Variants in TOX observed in about 807,000 individuals in gnomAD.
TOX encodes the protein thymocyte selection-associated high mobility group box protein TOX.
A neutral mutation model predicts 53.7 loss-of-function variants in TOX; 11 were observed. The ratio of observed to expected loss-of-function variants is 0.20; its 90% CI spans 0.13 to 0.34. The LOEUF (loss-of-function observed/expected upper bound fraction) is 0.34, where lower values mean the gene tolerates loss of function less well. Ranked by LOEUF, TOX falls within the 10% of genes least tolerant of loss-of-function variation. The pLI, the probability that TOX is intolerant of heterozygous loss-of-function variation, is 1.00. For missense variants in TOX, 570 were observed against 664.6 expected (o/e 0.86, Z 1.56); for synonymous variants, 225 against 245.3 (o/e 0.92, Z 0.77).
intron 3 of TOX, among the ~76,000 whole-genome samples, chr8:58,902,785 C>T (rs1403589223): frequency 6.6e-6 from 1 of 152,228 alleles, no homozygotes; most frequent in Non-Finnish European, 1.5e-5. Context: ...CCTCATTCCA[C>T]CCTATGCCTT....
chr8:58,897,627 T>A (rs1811673987), intron 3 of TOX, among the ~76,000 whole-genome samples: 1 of 152,174 alleles, frequency 6.6e-6, no homozygotes, highest in Non-Finnish European at 1.5e-5. Flanking sequence ...GCTATAGTCA[T>A]TCCAAGACTA....
At chr8:59,029,228 C>A (rs1814305458) in intron 1 of TOX, among the ~76,000 whole-genome samples, 1 of 149,362 alleles carries the variant, frequency 6.7e-6, no homozygotes, top group Non-Finnish European at 1.5e-5. Context: ...TCCCCACCCA[C>A]CCCCCATCCC....
At chr8:59,040,341 A>G (rs1168322290) in intron 1 of TOX, among the ~76,000 whole-genome samples, 1 of 151,108 alleles carries the variant, frequency 6.6e-6, no homozygotes, top group Non-Finnish European at 1.5e-5. Context: ...AAAAAAAAAA[A>G]AAAAAAAAAG....
At chr8:59,043,622 A>G (rs772462727) in intron 1 of TOX, among the ~76,000 whole-genome samples, 3 of 152,236 alleles carry the variant, frequency 2.0e-5, no homozygotes, top group African/African-American at 4.8e-5. Context: ...TCTCGGGTCA[A>G]CTGTGTAGTG....
In TOX at chr8:58,807,569, A is replaced by G. The variant is rs1049814916; in HGVS notation, c.*178T>C. On this transcript the variant is annotated 3_prime_UTR_variant, in exon 9 of 9. Transcript: ENST00000361421. Reference sequence around the variant, plus strand: ...ACAATGTCCATAAAGGATTAAAAAAATAATAAAGAAGCATGACTATTTCTT... The same window carrying G: ...ACAATGTCCATAAAGGATTAAAAAAGTAATAAAGAAGCATGACTATTTCTT... The G allele has an allele frequency of 1.6e-6, 1 of 616,080 alleles. No homozygotes were observed. Among genetic ancestry groups the G allele is most frequent in the Non-Finnish European group, 2.8e-6 (1 of 356,458 alleles). The allele number at this position is 616,080 out of a possible 1,614,324, so 38.2% of individuals were successfully genotyped here. A position where few individuals can be genotyped will look rare whatever the true frequency, so the allele number is the denominator to read the frequency against.
At chr8:58,870,194 AT>A (rs1480580002) in intron 3 of TOX, among the ~76,000 whole-genome samples, 4 of 152,176 alleles carry the variant, frequency 2.6e-5, no homozygotes, top group Admixed American at 6.5e-5. Context: ...ATTAAAAAAA[AT>A]CTCCTGGAAA....
At position 58,913,513 on chromosome 8, in the gene TOX, AT is replaced by A. The variant is rs536862760; in HGVS notation, c.411+25788del. Among the ~76,000 whole-genome samples, 16 of 152,274 alleles carry A rather than the reference AT, an allele frequency of 1.1e-4. No homozygotes were observed. The South Asian group carries it at 3.1e-3, about 30-fold the overall frequency. ...GCCTGGCAGAATGTGCTCTTGATGA[AT>A]GCTTGTTTTCCATTTTCTCTTTTCC... On this transcript the variant is annotated intron_variant, in intron 3 of 8. Transcript: ENST00000361421.
chr8:58,927,784 C>T (rs889597707), intron 3 of TOX, among the ~76,000 whole-genome samples: 2 of 152,144 alleles, frequency 1.3e-5, no homozygotes, highest in African/African-American at 4.8e-5. Context: ...CCCAGTACTG[C>T]TCGGAGGGCT....
intron 1 of TOX, among the ~76,000 whole-genome samples, chr8:59,113,328 T>C (rs1211236466): frequency 6.6e-6 from 1 of 152,172 alleles, no homozygotes; most frequent in Non-Finnish European, 1.5e-5. Context: ...AGCTTAGAAA[T>C]ATCAGTCATA....
At chr8:59,000,471 C>T (rs1265544888) in intron 1 of TOX, among the ~76,000 whole-genome samples, 2 of 152,106 alleles carry the variant, frequency 1.3e-5, no homozygotes, top group African/African-American at 4.8e-5. Context: ...AGTTATTGTC[C>T]TAGCTGACAG....
At chr8:58,929,560 A>T (rs1468584863) in intron 3 of TOX, among the ~76,000 whole-genome samples, 5 of 152,152 alleles carry the variant, frequency 3.3e-5, no homozygotes, top group Non-Finnish European at 5.9e-5. Flanking sequence ...AGATAATAAT[A>T]GTTAATGAAT....
chr8:58,882,810 G>C (rs1188239716), intron 3 of TOX, among the ~76,000 whole-genome samples: 1 of 152,150 alleles, frequency 6.6e-6, no homozygotes, highest in Non-Finnish European at 1.5e-5. Flanking sequence ...AGTGCATTGG[G>C]AAAAGAGTTA....
Position 58,960,013 on chromosome 8 carries a change from G to A in TOX, c.103-5C>T, listed in dbSNP as rs778356663. 5.0e-6 allele frequency: 8 copies of A among 1,614,078 alleles called. No homozygotes were observed. In the South Asian group the frequency reaches 5.5e-5, roughly 11 times the overall value. ...ATACATGTTCTCACCGTCAAACTGC[G>A]AATGAAATAATAGTAAACATTCAGC... On this transcript the variant is annotated splice_polypyrimidine_tract_variant and splice_region_variant and intron_variant, in intron 1 of 8. Coordinates refer to ENST00000361421, the MANE Select transcript of TOX (RefSeq NM_014729.3).
intron 1 of TOX, among the ~76,000 whole-genome samples, chr8:58,965,550 T>C (rs1047870743): frequency 1.3e-5 from 2 of 152,050 alleles, no homozygotes; most frequent in African/African-American, 4.8e-5. Context: ...AAATCAGTCA[T>C]TGGCACTGGT....
At chr8:58,842,229 G>A (rs898416544) in intron 4 of TOX, among the ~76,000 whole-genome samples, 1 of 152,180 alleles carries the variant, frequency 6.6e-6, no homozygotes, top group African/African-American at 2.4e-5. Context: ...TCAGCAGACT[G>A]GGGTGAGTCA....
At chr8:58,915,482 G>C (rs1485877653) in intron 3 of TOX, among the ~76,000 whole-genome samples, 3 of 116,152 alleles carry the variant, frequency 2.6e-5, no homozygotes, top group Non-Finnish European at 5.3e-5. Context: ...CAGACCTGCA[G>C]CTGAGGGTCC....
At chr8:58,864,402 A>C (rs1302244407) in intron 3 of TOX, among the ~76,000 whole-genome samples, 1 of 152,214 alleles carries the variant, frequency 6.6e-6, no homozygotes, top group African/African-American at 2.4e-5. Flanking sequence ...AAGAAATCAA[A>C]AAACAAAAAT....
chr8:58,815,646 G>T lies in TOX; in HGVS notation c.1084C>A (p.Pro362Thr), dbSNP rs1397312878. The change falls in exon 7 of 9, where the codon CCC becomes ACC. Residue 362 changes from proline to threonine, a missense_variant. By Grantham distance (38) the Pro-to-Thr change is conservative. This residue lies in a region of TOX where 239 missense variants were observed against 250.7 expected (regional missense o/e 0.95). Transcript: ENST00000361421. The stretch of plus-strand genomic sequence containing the variant: ...TACAGGGCCGAGTGGGCCTGGCTGG[G>T]CCCATGGAACACCGACGGCTTCGAA... Reference protein sequence around the residue: ...INSKPSVFHGPSQAHSALYLS... With the variant: ...INSKPSVFHGTSQAHSALYLS... 6.2e-7 allele frequency: 1 copy of T among 1,614,154 alleles called. No homozygotes were observed. Among genetic ancestry groups the T allele is most frequent in the Admixed American group, 1.7e-5 (1 of 60,030 alleles).
chr8:59,102,633 T>A (rs1804826572), intron 1 of TOX, among the ~76,000 whole-genome samples: 1 of 152,040 alleles, frequency 6.6e-6, no homozygotes, highest in Non-Finnish European at 1.5e-5. Flanking sequence ...TCCCACCAGG[T>A]CTCTCCCACA....
Sources: allele counts gnomAD v4.1 joint callset (sites outside exome capture counted in the v4.1 genomes callset), GRCh38; gene constraint gnomAD v4.1.1; regional missense constraint gnomAD v4.1.1; transcripts MANE v1.5; gene names NCBI Gene and HGNC (gene_info 2026-07-23, HGNC 2026-07-21).